Variants in CPED1 observed in about 807,000 individuals in gnomAD.
CPED1 encodes the protein cadherin like and PC-esterase domain containing 1, also known as cadherin-like and PC-esterase domain-containing protein 1.
CPED1 carries 114 observed loss-of-function variants against 128.2 expected under a neutral mutation model. That is an observed-to-expected ratio of 0.89 (90% CI 0.76 to 1.04). CPED1 has a LOEUF of 1.04. Among genes scored for constraint, CPED1 ranks in the 50% least tolerant of loss-of-function variants. The pLI is 0.00. For synonymous variants in CPED1, 462 were observed against 426.7 expected (o/e 1.08, Z -1.02); for missense variants, 1,211 against 1,207.1 (o/e 1.00, Z -0.05).
intron 2 of CPED1, among the ~76,000 whole-genome samples, chr7:121,003,697 A>G (rs577140380): frequency 6.6e-6 from 1 of 152,276 alleles, no homozygotes; most frequent in South Asian, 2.1e-4. Flanking sequence ...GAACAGGTAG[A>G]CAGGGTAGAG....
chr7:121,172,574 T>C (rs1245231777), intron 16 of CPED1, among the ~76,000 whole-genome samples: 1 of 152,012 alleles, frequency 6.6e-6, no homozygotes, highest in African/African-American at 2.4e-5. Context: ...TGTCTGCCCT[T>C]ATAAAACATA....
intron 16 of CPED1, among the ~76,000 whole-genome samples, chr7:121,221,081 A>G (rs1056568850): frequency 6.6e-6 from 1 of 151,936 alleles, no homozygotes; most frequent in African/African-American, 2.4e-5. Context: ...CTCGTCATTT[A>G]CATTAGGTAT....
chr7:120,990,522 A>G (rs1796293329), intron 2 of CPED1, among the ~76,000 whole-genome samples: 1 of 152,224 alleles, frequency 6.6e-6, no homozygotes, highest in South Asian at 2.1e-4. Flanking sequence ...AATATTGAAA[A>G]AAAACACAAA....
intron 16 of CPED1, among the ~76,000 whole-genome samples, chr7:121,218,208 T>C (rs376335842): frequency 1.2e-3 from 180 of 151,384 alleles, no homozygotes; most frequent in Middle Eastern, 6.8e-3. Flanking sequence ...TTGGCCAGGC[T>C]GGTCTGAAAC....
At chr7:121,162,984 A>G (rs1796443883) in intron 16 of CPED1, among the ~76,000 whole-genome samples, 1 of 152,250 alleles carries the variant, frequency 6.6e-6, no homozygotes, top group Non-Finnish European at 1.5e-5. Context: ...GCATAAACAA[A>G]ATCAATTCCC....
At chr7:121,239,237 A>G (rs1322141166) in intron 17 of CPED1, among the ~76,000 whole-genome samples, 1 of 152,060 alleles carries the variant, frequency 6.6e-6, no homozygotes, top group Non-Finnish European at 1.5e-5. Flanking sequence ...AGCACATTAC[A>G]GCTATTTGGC....
At chr7:121,144,122 A>G (rs1178647398) in intron 16 of CPED1, among the ~76,000 whole-genome samples, 2 of 152,112 alleles carry the variant, frequency 1.3e-5, no homozygotes, top group Admixed American at 1.3e-4. Flanking sequence ...TGTGGAGAAC[A>G]GTATCGAGGT....
chr7:121,013,897 T>A (rs1352441820), intron 2 of CPED1, among the ~76,000 whole-genome samples: 1 of 152,254 alleles, frequency 6.6e-6, no homozygotes, highest in South Asian at 2.1e-4. Context: ...ACTAAATATC[T>A]TCATTTATTA....
At position 121,254,066 on chromosome 7, in the gene CPED1, A is replaced by G. The variant is rs554641890; in HGVS notation, c.2310+9728A>G. 3.3e-5 allele frequency among the ~76,000 whole-genome samples: 5 copies of G among 152,194 alleles called. 1 individual carries two copies. Among genetic ancestry groups the G allele is most frequent in the African/African-American group, 1.2e-4 (5 of 41,548 alleles). On this transcript the variant is annotated intron_variant, in intron 18 of 22. Coordinates refer to ENST00000310396, the MANE Select transcript of CPED1 (RefSeq NM_024913.5). ...AATCACTTGACCAATTGGACCTAATAAACACCTACAGAACGCTCCACCCAA... is the reference window on the plus strand; with the variant it reads ...AATCACTTGACCAATTGGACCTAATGAACACCTACAGAACGCTCCACCCAA...
intron 19 of CPED1, 32 bp from the exon 20 acceptor site, chr7:121,266,675 C>A (rs1474243025): frequency 3.9e-6 from 6 of 1,519,570 alleles, no homozygotes; most frequent in African/African-American, 1.4e-5. Context: ...TGTTTTAGGG[C>A]AACATGTGTT....
Position 120,989,800 on chromosome 7 carries a change from G to A in CPED1, c.179G>A (p.Arg60Lys), listed in dbSNP as rs764029735. The change falls in exon 2 of 23, where the codon AGA (arginine) becomes AAA (lysine). Residue 60 changes from arginine to lysine, a missense_variant. Transcript: ENST00000310396. The part of the protein sequence containing the change: ...PHTSTETQAS[R>K]CKKGFSQDKQ... ...ACATCCACTGAAACCCAGGCAAGCA[G>A]ATGCAAGAAAGGATTCTCTCAGGAC... 6.2e-7 allele frequency: 1 copy of A among 1,614,070 alleles called. No homozygotes were observed. Among genetic ancestry groups the A allele is most frequent in the African/African-American group, 1.3e-5 (1 of 75,006 alleles).
intron 12 of CPED1, among the ~76,000 whole-genome samples, chr7:121,131,496 T>G (rs945207823): frequency 6.6e-6 from 1 of 151,680 alleles, no homozygotes; most frequent in Admixed American, 6.6e-5. Context: ...TTCAAAGTTT[T>G]TTTTTTTTTT....
rs1795586143 is a variant in CPED1, at chr7:121,129,251, CT to C, written c.1407+767del. 2.1e-5 allele frequency among the ~76,000 whole-genome samples: 3 copies of C among 143,848 alleles called. No homozygotes were observed. In the South Asian group the frequency reaches 6.6e-4, roughly 32 times the overall value. 94.4% of individuals were successfully genotyped at this position (143,848 alleles called of 152,430 possible). A position where few individuals can be genotyped will look rare whatever the true frequency, so the allele number is the denominator to read the frequency against. ...CCTGATGTTTCACTCAAGTATTTAT[CT>C]TACTTGTAAAAAGTATATGTGTGTG... On this transcript the variant is annotated intron_variant, in intron 11 of 22. Coordinates refer to ENST00000310396, the MANE Select transcript of CPED1 (RefSeq NM_024913.5).
intron 16 of CPED1, among the ~76,000 whole-genome samples, chr7:121,177,141 T>C (rs1796801564): frequency 6.6e-6 from 1 of 152,088 alleles, no homozygotes; most frequent in Non-Finnish European, 1.5e-5. Flanking sequence ...TTTAGATGCA[T>C]TGAGACTACA....
At chr7:121,276,196 G>C (rs1255897180) in intron 22 of CPED1, among the ~76,000 whole-genome samples, 6 of 152,076 alleles carry the variant, frequency 3.9e-5, no homozygotes, top group African/African-American at 7.2e-5. Context: ...CTTAGAGGGA[G>C]AATTAATATT....
At chr7:121,045,348 G>T (rs374995516) in intron 3 of CPED1, among the ~76,000 whole-genome samples, 1 of 152,252 alleles carries the variant, frequency 6.6e-6, no homozygotes. Flanking sequence ...GAGTTCAATT[G>T]CCTGGATTCC....
At chr7:121,265,305 T>C (rs899529490) in intron 18 of CPED1, among the ~76,000 whole-genome samples, 2 of 152,036 alleles carry the variant, frequency 1.3e-5, no homozygotes, top group African/African-American at 4.8e-5. Flanking sequence ...TTAGTAGATT[T>C]ATGTCCTCCA....
chr7:121,125,846 CT>C lies in CPED1; in HGVS notation c.1092del (p.Phe364LeufsTer12). ...TGCAGATTCTGCTTTCAACTTCTAA[CT>C]TTTGATATTGGTTATGGCAGTTTCA... Reference protein sequence around the residue: ...HRCRFCFQLLTFDIGYGSFMY... With the variant: ...HRCRFCFQLLXFDIGYGSFMY... On this transcript the variant is annotated frameshift_variant, in exon 9 of 23. Transcript: ENST00000310396. LOFTEE classifies it high-confidence loss of function. The C allele has an allele frequency of 1.2e-6, 2 of 1,613,598 alleles. No individual in the cohort carries two copies. Among genetic ancestry groups the C allele is most frequent in the South Asian group, 2.2e-5 (2 of 91,070 alleles).
chr7:121,282,653 G>A (rs887402839), intron 22 of CPED1, among the ~76,000 whole-genome samples: 1 of 152,276 alleles, frequency 6.6e-6, no homozygotes, highest in African/African-American at 2.4e-5. Flanking sequence ...TTACACATAC[G>A]TTCAAAGGAA....
Sources: allele counts gnomAD v4.1 joint callset (sites outside exome capture counted in the v4.1 genomes callset), GRCh38; gene constraint gnomAD v4.1.1; transcripts MANE v1.5; gene names NCBI Gene and HGNC (gene_info 2026-07-23, HGNC 2026-07-21).